SCUBE1: variants seen among roughly 807,000 people sequenced by gnomAD.
The protein encoded by SCUBE1 is signal peptide, CUB domain and EGF like domain containing 1, also known as signal peptide, CUB and EGF-like domain-containing protein 1.
Under a neutral mutation model 124.4 loss-of-function variants are expected in SCUBE1, and 59 were observed. That is an observed-to-expected ratio of 0.47 (90% confidence interval 0.38 to 0.59). SCUBE1 has a LOEUF of 0.59. SCUBE1 is among the 20% of genes least tolerant of loss of function. The pLI, the probability that SCUBE1 is intolerant of heterozygous loss-of-function variation, is 0.00. For synonymous variants in SCUBE1, 545 were observed against 550.9 expected (o/e 0.99, Z 0.15); for missense variants, 1,150 against 1,371.2 (o/e 0.84, Z 2.55).
chr22:43,248,170 CATT>C (rs1923293320), intron 6 of SCUBE1, among the ~76,000 whole-genome samples: 2 of 152,184 alleles, frequency 1.3e-5, no homozygotes, highest in African/African-American at 4.8e-5. Flanking sequence ...GATGTTTAAA[CATT>C]AGATGAGAGT....
intron 4 of SCUBE1, among the ~76,000 whole-genome samples, chr22:43,266,650 T>C (rs1479163105): frequency 2.6e-5 from 4 of 152,108 alleles, no homozygotes; most frequent in African/African-American, 9.7e-5. Context: ...CAGCCTAAGT[T>C]CTCCTACCTT....
intron 3 of SCUBE1, among the ~76,000 whole-genome samples, chr22:43,291,393 T>C (rs1025233621): frequency 6.6e-6 from 1 of 152,056 alleles, no homozygotes; most frequent in Non-Finnish European, 1.5e-5. Flanking sequence ...TGGGCCTCCA[T>C]TGTGCTGTGC....
chr22:43,206,135 C>A (rs1921262894), intron 21 of SCUBE1, among the ~76,000 whole-genome samples: 1 of 136,454 alleles, frequency 7.3e-6, no homozygotes, highest in Non-Finnish European at 1.6e-5. Context: ...ACTACACACA[C>A]CGCCTCCATT....
Position 43,212,431 on chromosome 22 carries a change from C to T in SCUBE1, c.2215G>A (p.Ala739Thr). ...GTGGGGAGGGCATGCTCACCTTTAG[C>T]CTCGCAGTCCTGGAAGGAGGTGGTG... ...EGTTSFQDCE[A>T]KVHCSPGHHY... Residue 739 changes from alanine to threonine, a missense_variant, in exon 17 of 22, where the codon GCT becomes ACT. This residue lies in a region of SCUBE1 where 757 missense variants were observed against 840.9 expected (regional missense o/e 0.90). Transcript: ENST00000360835. 1 of 1,550,942 alleles carries T rather than the reference C, an allele frequency of 6.4e-7. No individual in the cohort carries two copies. Among genetic ancestry groups the T allele is most frequent in the Non-Finnish European group, 8.7e-7 (1 of 1,147,232 alleles).
intron 4 of SCUBE1, among the ~76,000 whole-genome samples, chr22:43,269,758 G>A (rs552125438): frequency 2.0e-5 from 3 of 152,118 alleles, no homozygotes; most frequent in South Asian, 2.1e-4. Context: ...CCCCAACCCC[G>A]ACTCCGCAAG....
intron 3 of SCUBE1, among the ~76,000 whole-genome samples, chr22:43,292,028 T>G (rs1255233950): frequency 3.9e-5 from 6 of 152,088 alleles, no homozygotes; most frequent in Non-Finnish European, 5.9e-5. Context: ...CTGCAGCAGC[T>G]GTCCCCAACA....
intron 4 of SCUBE1, among the ~76,000 whole-genome samples, chr22:43,280,832 TCCCTCTTTGGCCACCCTCCTGTCAC>T: frequency 1.9e-5 from 2 of 103,074 alleles, no homozygotes; most frequent in African/African-American, 8.6e-5. Flanking sequence ...TCCTGTCACC[TCCCTCTTTGGCCACCCTCCTGTCAC>T]CTCCTCCTCA....
intron 8 of SCUBE1, 24 bp from the exon 9 acceptor site, chr22:43,229,212 G>T (rs760135701): frequency 5.1e-6 from 7 of 1,360,980 alleles, no homozygotes; most frequent in Non-Finnish European, 6.3e-6. Context: ...GGGAGACAAA[G>T]TTGGGGGAGG....
At chr22:43,217,042 CACCTCTTTACCAACAGCTTCCCCACCCT>C (rs1340433534) in intron 15 of SCUBE1, among the ~76,000 whole-genome samples, 19 of 96,984 alleles carry the variant, frequency 2.0e-4, no homozygotes, top group Admixed American at 9.3e-5. Context: ...CGCCAGGTGT[CACCTCTTTACCAACAGCTTCCCCACCCT>C]GCCAGGTGTC....
chr22:43,255,712 C>A lies in SCUBE1; in HGVS notation c.727+2507G>T. ...ACGCCGGCCAGCTCGGCATCCTCGCCAAGGGGCTAATCCCAGGAACCTCCA... is the reference window on the plus strand; with the variant it reads ...ACGCCGGCCAGCTCGGCATCCTCGCAAAGGGGCTAATCCCAGGAACCTCCA... On this transcript the variant is annotated intron_variant, in intron 6 of 21. Coordinates refer to ENST00000360835, the MANE Select transcript of SCUBE1 (RefSeq NM_173050.5). This position sits in a 1 kb window ranked among gnomAD's most constrained non-coding sequence, Gnocchi z 4.7. 1.3e-6 allele frequency: 1 copy of A among 743,418 alleles called. No individual in the cohort carries two copies. 46.1% of individuals were successfully genotyped at this position (743,418 alleles called of 1,614,324 possible). A position where few individuals can be genotyped will look rare whatever the true frequency, so the allele number is the denominator to read the frequency against.
chr22:43,296,715 T>G (rs1036510096), intron 3 of SCUBE1, among the ~76,000 whole-genome samples: 2 of 152,186 alleles, frequency 1.3e-5, no homozygotes, highest in African/African-American at 4.8e-5. Context: ...GATGTACAAC[T>G]GTATCTGTGA....
rs774455705 is a variant in SCUBE1, at chr22:43,320,018, C to T, written c.268G>A (p.Glu90Lys). 3 of 1,614,112 alleles carry T rather than the reference C, an allele frequency of 1.9e-6. No homozygotes were observed. The highest frequency in any genetic ancestry group is 4.5e-5 in the East Asian group (2 of 44,892). Residue 90 changes from glutamate to lysine, a missense_variant, in exon 3 of 22, where the codon GAG becomes AAG. Glu to Lys is a moderately conservative substitution (Grantham distance 56). This residue lies in a region of SCUBE1 where 337 missense variants were observed against 482.1 expected (regional missense o/e 0.70). Transcript: ENST00000360835. ...TAGTTCCCCGGGATGTTGATGCACT[C>T]GTGGACACAGCCCCCATTGTAGTAG... ...NDYYNGGCVH[E>K]CINIPGNYRC...
rs1361266715 is a variant in SCUBE1, at chr22:43,210,216, C to T, written c.2408G>A (p.Gly803Asp). The T allele has an allele frequency of 6.4e-7, 1 of 1,569,388 alleles. No homozygotes were observed. Among genetic ancestry groups the T allele is most frequent in the East Asian group, 2.3e-5 (1 of 43,652 alleles). The stretch of plus-strand genomic sequence containing the variant: ...GGACTCGATGTAGCCGGTGTAGTCA[C>T]CAAGCTCGCCGCCGCAGTGCTGGTC... ...CKNQHCGGEL[G>D]DYTGYIESPN... Residue 803 changes from glycine to aspartate, a missense_variant, in exon 19 of 22, where the codon GGT (glycine) becomes GAT (aspartate). Transcript: ENST00000360835. This position sits in a 1 kb window ranked among gnomAD's most constrained non-coding sequence, Gnocchi z 4.5.
At chr22:43,287,413 A>G (rs1232783073) in intron 4 of SCUBE1, among the ~76,000 whole-genome samples, 3 of 152,232 alleles carry the variant, frequency 2.0e-5, no homozygotes, top group African/African-American at 7.2e-5. Context: ...AGGAGGCAAG[A>G]GTAACTGTGC....
chr22:43,331,484 T>A (rs1926901461), intron 2 of SCUBE1, among the ~76,000 whole-genome samples: 1 of 152,122 alleles, frequency 6.6e-6, no homozygotes, highest in African/African-American at 2.4e-5. Context: ...TAAGTACACA[T>A]AGAAGGGGTG....
chr22:43,235,861 G>A (rs1050004621), intron 7 of SCUBE1, among the ~76,000 whole-genome samples: 3 of 151,894 alleles, frequency 2.0e-5, no homozygotes, highest in Admixed American at 6.6e-5. Context: ...AACACCAAAC[G>A]GGCACGGTAC....
At chr22:43,247,284 T>C (rs1923254182) in intron 6 of SCUBE1, among the ~76,000 whole-genome samples, 2 of 152,210 alleles carry the variant, frequency 1.3e-5, no homozygotes, top group Admixed American at 6.5e-5. Flanking sequence ...AAGCCATCTC[T>C]GTAAATGAGA....
intron 2 of SCUBE1, among the ~76,000 whole-genome samples, chr22:43,334,662 A>G (rs1047296693): frequency 6.9e-6 from 1 of 145,662 alleles, no homozygotes; most frequent in Admixed American, 6.9e-5. Flanking sequence ...CATTATCATC[A>G]CCACCATCAA....
In SCUBE1 at chr22:43,280,756, C is replaced by T. The variant is rs540043725; in HGVS notation, c.484+10290G>A. Among the ~76,000 whole-genome samples the T allele has an allele frequency of 6.1e-3, 391 of 64,128 alleles. 6 individuals are homozygous for T. Among genetic ancestry groups the T allele is most frequent in the East Asian group, 0.014 (21 of 1,474 alleles). 42.1% of individuals were successfully genotyped at this position (64,128 alleles called of 152,430 possible). On this transcript the variant is annotated intron_variant, in intron 4 of 21. Transcript: ENST00000360835. ...TTCCTCCTCGGCCACCCTCCTGTCA[C>T]CTCCCTCATTGGCCACCCTCCTGTC...
Sources: gnomAD v4.1 joint callset for allele counts (sites outside exome capture counted in the v4.1 genomes callset) on GRCh38, gnomAD v4.1.1 for gene constraint, gnomAD v4.1.1 regional missense constraint, Gnocchi (gnomAD v3.1) non-coding constraint, MANE v1.5 for transcripts, NCBI Gene and HGNC (gene_info 2026-07-23, HGNC 2026-07-21) for gene names.